The following HOMER1 variants were observed in gnomAD, a reference collection of about 807,000 sequenced individuals.
HOMER1 encodes the protein homer scaffold protein 1.
A neutral mutation model predicts 48.9 loss-of-function variants in HOMER1; 3 were observed. The observed-to-expected ratio is 0.06, with a 90% confidence interval of 0.03 to 0.16. The LOEUF is 0.16. Ranked by LOEUF, HOMER1 falls within the 10% of genes least tolerant of loss-of-function variation. The probability of loss-of-function intolerance (pLI) is 1.00; values close to 1 mark genes in which losing one functional copy is unlikely to be tolerated. For synonymous variants in HOMER1, 134 were observed against 146.4 expected (o/e 0.92, Z 0.61); for missense variants, 247 against 411.4 (o/e 0.60, Z 3.46).
At chr5:79,387,585 G>C (rs1749150468) in intron 8 of HOMER1, among the ~76,000 whole-genome samples, 1 of 152,066 alleles carries the variant, frequency 6.6e-6, no homozygotes, top group South Asian at 2.1e-4. Context: ...AAGACAAGTA[G>C]AATAATTTAA....
chr5:79,454,389 C>T (rs1425530621), intron 2 of HOMER1, among the ~76,000 whole-genome samples: 4 of 151,520 alleles, frequency 2.6e-5, no homozygotes, highest in South Asian at 2.1e-4. Flanking sequence ...AAAGGAGGCA[C>T]GTTATCTGTC....
At chr5:79,392,352 GA>G (rs1749274275) in intron 8 of HOMER1, among the ~76,000 whole-genome samples, 1 of 152,154 alleles carries the variant, frequency 6.6e-6, no homozygotes, top group Non-Finnish European at 1.5e-5. Context: ...TGTGGAGGTA[GA>G]AAACAGTGAT....
chr5:79,455,358 G>A (rs1268880746), intron 2 of HOMER1, among the ~76,000 whole-genome samples: 1 of 147,096 alleles, frequency 6.8e-6, no homozygotes, highest in Admixed American at 7.1e-5. Context: ...ACCCGGTGGA[G>A]GTAATTGAAT....
chr5:79,396,323 C>T (rs1257549496), intron 8 of HOMER1, among the ~76,000 whole-genome samples: 2 of 151,578 alleles, frequency 1.3e-5, no homozygotes, highest in Non-Finnish European at 2.9e-5. Flanking sequence ...TAATAATGTT[C>T]CCAAATTGAA....
chr5:79,379,199 T>C (rs1442358734), intron 8 of HOMER1, among the ~76,000 whole-genome samples: 1 of 98,898 alleles, frequency 1.0e-5, no homozygotes, highest in African/African-American at 4.1e-5. Flanking sequence ...ATCTATAATA[T>C]ATATTATATA....
At chr5:79,503,725 CAA>C (rs34548421) in intron 1 of HOMER1, among the ~76,000 whole-genome samples, 23,262 of 122,938 alleles carry the variant, frequency 0.19, 2,469 homozygotes, top group African/African-American at 0.31. Flanking sequence ...ACTCTGCCTC[CAA>C]AAAAAAAAAA....
chr5:79,510,474 A>G (rs1350904138), intron 1 of HOMER1: 5 of 691,736 alleles, frequency 7.2e-6, no homozygotes, highest in Non-Finnish European at 1.1e-5. Flanking sequence ...AACCAGTCCC[A>G]AAAATGGCAC....
Position 79,459,338 on chromosome 5 carries a change from C to T in HOMER1, c.6-2320G>A, listed in dbSNP as rs553477421. Among the ~76,000 whole-genome samples, 18 of 152,290 alleles carry T rather than the reference C, an allele frequency of 1.2e-4. No homozygotes were observed. In the South Asian group the frequency reaches 1.7e-3, roughly 14 times the overall value. ...ACTTTCTACATCATATTGAGTCATACATTTAATTAATCCACACAATTTAAT... is the reference window on the plus strand; with the variant it reads ...ACTTTCTACATCATATTGAGTCATATATTTAATTAATCCACACAATTTAAT... On this transcript the variant is annotated intron_variant, in intron 1 of 8. Coordinates refer to ENST00000334082, the MANE Select transcript of HOMER1 (RefSeq NM_004272.5).
chr5:79,496,552 C>A (rs1454384506), intron 1 of HOMER1, among the ~76,000 whole-genome samples: 5 of 152,166 alleles, frequency 3.3e-5, no homozygotes, highest in Non-Finnish European at 7.3e-5. Flanking sequence ...CCTCCCCAAA[C>A]TTGGGGACCA....
At chr5:79,410,621 T>A (rs1281956138) in intron 5 of HOMER1, among the ~76,000 whole-genome samples, 3 of 152,026 alleles carry the variant, frequency 2.0e-5, no homozygotes. Context: ...AATGCTCCTA[T>A]TAGAATACCC....
intron 5 of HOMER1, among the ~76,000 whole-genome samples, chr5:79,438,277 CAG>C (rs2112274479): frequency 1.3e-5 from 2 of 152,278 alleles, no homozygotes; most frequent in African/African-American, 4.8e-5. Context: ...AACTTTAAAA[CAG>C]ATGACTGATA....
intron 5 of HOMER1, among the ~76,000 whole-genome samples, chr5:79,416,563 G>C (rs1411051656): frequency 6.6e-6 from 1 of 152,226 alleles, no homozygotes; most frequent in Non-Finnish European, 1.5e-5. Flanking sequence ...CTAGCAGTAA[G>C]AGCAACATTT....
Position 79,512,658 on chromosome 5 carries a change from G to A in HOMER1, c.5+112C>T, listed in dbSNP as rs1752973988. Reference sequence around the variant, plus strand: ...TGCCTATTTCTTTAAAGTATGACCAGCTTAGCAAGGTGGCAAGTTTGTTTG... The same window carrying A: ...TGCCTATTTCTTTAAAGTATGACCAACTTAGCAAGGTGGCAAGTTTGTTTG... On this transcript the variant is annotated intron_variant, in intron 1 of 8. Coordinates refer to ENST00000334082, the MANE Select transcript of HOMER1 (RefSeq NM_004272.5). 8.8e-6 allele frequency: 9 copies of A among 1,023,970 alleles called. No homozygotes were observed. The Admixed American group carries it at 1.8e-4, about 20-fold the overall frequency. 63.4% of individuals were successfully genotyped at this position (1,023,970 alleles called of 1,614,324 possible).
intron 5 of HOMER1, among the ~76,000 whole-genome samples, chr5:79,428,752 AAAC>A (rs1347472954): frequency 2.0e-5 from 3 of 152,206 alleles, no homozygotes; most frequent in Non-Finnish European, 2.9e-5. Context: ...TCTGAAAACC[AAAC>A]AACATCACTG....
At chr5:79,490,181 G>C (rs1312900215) in intron 1 of HOMER1, among the ~76,000 whole-genome samples, 1 of 152,206 alleles carries the variant, frequency 6.6e-6, no homozygotes, top group Non-Finnish European at 1.5e-5. Context: ...TTTGTTAAAT[G>C]AATTTATAGA....
intron 1 of HOMER1, among the ~76,000 whole-genome samples, chr5:79,480,592 T>A (rs1245647217): frequency 6.6e-6 from 1 of 152,236 alleles, no homozygotes; most frequent in Non-Finnish European, 1.5e-5. Context: ...TACATTCTAT[T>A]TTCTCACTCT....
intron 1 of HOMER1, among the ~76,000 whole-genome samples, chr5:79,471,259 G>A (rs1024119901): frequency 2.0e-5 from 3 of 152,088 alleles, no homozygotes; most frequent in Admixed American, 2.0e-4. Flanking sequence ...ATGGCCTAAA[G>A]GAGGCCAGGA....
chr5:79,499,017 G>A (rs930192049), intron 1 of HOMER1, among the ~76,000 whole-genome samples: 4 of 151,896 alleles, frequency 2.6e-5, no homozygotes, highest in African/African-American at 9.7e-5. Context: ...TGTATTTTTA[G>A]TAGAGACGGG....
chr5:79,400,867 T>G (rs1488818843), intron 6 of HOMER1, among the ~76,000 whole-genome samples: 1 of 147,468 alleles, frequency 6.8e-6, no homozygotes, highest in African/African-American at 2.5e-5. Flanking sequence ...CACTCAGCAT[T>G]CCAAGTAGCT....
Sources: allele counts gnomAD v4.1 joint callset (sites outside exome capture counted in the v4.1 genomes callset), GRCh38; gene constraint gnomAD v4.1.1; transcripts MANE v1.5; gene names NCBI Gene and HGNC (gene_info 2026-07-23, HGNC 2026-07-21).